PLEKHA6: variants seen among roughly 807,000 people sequenced by gnomAD.
PLEKHA6 encodes the protein pleckstrin homology domain containing A6.
In PLEKHA6, 60 loss-of-function variants were observed where a neutral mutation model predicts 116.7. The observed-to-expected ratio is 0.51, with a 90% CI of 0.42 to 0.64. PLEKHA6 has a LOEUF of 0.64. Ranked by LOEUF, PLEKHA6 falls within the 30% of genes least tolerant of loss-of-function variation. The pLI, the probability that PLEKHA6 is intolerant of heterozygous loss-of-function variation, is 0.00. For synonymous variants in PLEKHA6, 489 were observed against 556.1 expected (o/e 0.88, Z 1.70); for missense variants, 1,338 against 1,422.7 (o/e 0.94, Z 0.96).
At chr1:204,235,184 TA>T (rs1438715805) in intron 17 of PLEKHA6, among the ~76,000 whole-genome samples, 1 of 151,522 alleles carries the variant, frequency 6.6e-6, no homozygotes, top group Non-Finnish European at 1.5e-5. Context: ...TTAATATGAT[TA>T]GACCCAAAAA....
Position 204,261,389 on chromosome 1 carries a change from C to T in PLEKHA6, c.441G>A (p.Glu147=). 1.2e-6 allele frequency: 2 copies of T among 1,614,116 alleles called. No homozygotes were observed. The highest frequency in any genetic ancestry group is 8.5e-7 in the Non-Finnish European group (1 of 1,180,010). Residue 147 remains glutamate, a synonymous_variant, in exon 7 of 23, where the codon GAG becomes GAA. Coordinates refer to ENST00000272203, the MANE Select transcript of PLEKHA6 (RefSeq NM_014935.5). This position sits in a 1 kb window ranked among gnomAD's most constrained non-coding sequence, Gnocchi z 4.0. The stretch of plus-strand genomic sequence containing the variant: ...CCTCCCCCATGGCCTGGATCCAGGC[C>T]TCTTGCTCCTCGGGGCTCTCGGCAC... ...FFSAESPEEQ[E]AWIQAMGEAA...
intron 1 of PLEKHA6, chr1:204,309,495 C>T (rs1311467820): frequency 6.6e-6 from 1 of 152,252 alleles, no homozygotes; most frequent in East Asian, 1.9e-4. Flanking sequence ...TAGCTGCCTA[C>T]AGTATTCGGT....
chr1:204,289,938 A>G (rs1431156407), intron 1 of PLEKHA6, among the ~76,000 whole-genome samples: 1 of 152,252 alleles, frequency 6.6e-6, no homozygotes, highest in East Asian at 1.9e-4. Context: ...GAAATTTTAA[A>G]ACACCATTTA....
intron 17 of PLEKHA6, among the ~76,000 whole-genome samples, chr1:204,233,594 C>T (rs897494629): frequency 6.6e-6 from 1 of 152,026 alleles, no homozygotes; most frequent in African/African-American, 2.4e-5. Flanking sequence ...CATGAGCCAC[C>T]GCACCCAGCC....
At chr1:204,335,015 C>A (rs1399520324) in intron 1 of PLEKHA6, among the ~76,000 whole-genome samples, 1 of 152,044 alleles carries the variant, frequency 6.6e-6, no homozygotes, top group Non-Finnish European at 1.5e-5. Flanking sequence ...AGAATTTATT[C>A]CCCTTGTCTA....
In PLEKHA6 at chr1:204,256,335, A is replaced by G. The variant is rs926046624; in HGVS notation, c.1524+1018T>C. Among the ~76,000 whole-genome samples, 4 of 152,286 alleles carry G rather than the reference A, an allele frequency of 2.6e-5. No homozygotes were observed. In the East Asian group the frequency reaches 7.7e-4, roughly 29 times the overall value. On this transcript the variant is annotated intron_variant, in intron 9 of 22. Coordinates refer to ENST00000272203, the MANE Select transcript of PLEKHA6 (RefSeq NM_014935.5). ...AGACACGAGTAGAAAGAGGCAGAGAAAAAGGAGGAGATGCAATTCGGAAAA... is the reference window on the plus strand; with the variant it reads ...AGACACGAGTAGAAAGAGGCAGAGAGAAAGGAGGAGATGCAATTCGGAAAA...
intron 1 of PLEKHA6, among the ~76,000 whole-genome samples, chr1:204,371,930 G>A (rs1001353095): frequency 1.2e-4 from 19 of 152,120 alleles, no homozygotes; most frequent in African/African-American, 2.9e-4. Flanking sequence ...TGATACCATC[G>A]CAAAGAAACA....
intron 3 of PLEKHA6, among the ~76,000 whole-genome samples, chr1:204,365,368 G>T (rs1238243293): frequency 6.6e-6 from 1 of 152,238 alleles, no homozygotes; most frequent in Non-Finnish European, 1.5e-5. Flanking sequence ...AATAATGGAA[G>T]TGAGAGTCCA....
Position 204,223,524 on chromosome 1 carries a change from G to A in PLEKHA6, c.3093C>T (p.Pro1031=), listed in dbSNP as rs1318844099. ...CGCCCCGTGGGGATTCAGACGACAG[G>A]GGGTTTGCTGGAGGAGCCGGGGAAG... The part of the protein sequence containing the change: ...SPASPAPPAN[P]LSSESPRGAD... The change falls in exon 22 of 23, where the codon CCC becomes CCT. Residue 1031 remains proline, a synonymous_variant. Transcript: ENST00000272203. This position sits in a 1 kb window ranked among gnomAD's most constrained non-coding sequence, Gnocchi z 4.8. The A allele has an allele frequency of 1.9e-6, 3 of 1,551,030 alleles. No individual in the cohort carries two copies. Among genetic ancestry groups the A allele is most frequent in the Non-Finnish European group, 2.6e-6 (3 of 1,146,660 alleles).
At position 204,223,734 on chromosome 1, in the gene PLEKHA6, G is replaced by C. The variant is rs1161328730; in HGVS notation, c.3032-149C>G. 1.6e-6 allele frequency: 1 copy of C among 610,956 alleles called. No homozygotes were observed. Among genetic ancestry groups the C allele is most frequent in the Non-Finnish European group, 3.0e-6 (1 of 338,836 alleles). 37.8% of individuals were successfully genotyped at this position (610,956 alleles called of 1,614,324 possible). ...TGAGCTTGGAGCTTGCTCAAGCTAGGCCAAGCTGTCCTCATTCCCAGGGCG... is the reference window on the plus strand; with the variant it reads ...TGAGCTTGGAGCTTGCTCAAGCTAGCCCAAGCTGTCCTCATTCCCAGGGCG... On this transcript the variant is annotated intron_variant, in intron 21 of 22. Coordinates refer to ENST00000272203, the MANE Select transcript of PLEKHA6 (RefSeq NM_014935.5). This position sits in a 1 kb window ranked among gnomAD's most constrained non-coding sequence, Gnocchi z 4.8.
chr1:204,258,068 G>A (rs577073701), intron 8 of PLEKHA6, among the ~76,000 whole-genome samples, 199 bp from the exon 9 acceptor site: 1 of 152,252 alleles, frequency 6.6e-6, no homozygotes, highest in Admixed American at 6.5e-5. Context: ...GCTGGACACT[G>A]CACCATTCAG....
intron 1 of PLEKHA6, among the ~76,000 whole-genome samples, chr1:204,348,758 G>A (rs1673168207): frequency 1.6e-5 from 2 of 128,254 alleles, no homozygotes; most frequent in South Asian, 5.2e-4. Context: ...CTTAGCCTGT[G>A]CTCAAGGCCA....
intron 1 of PLEKHA6, among the ~76,000 whole-genome samples, chr1:204,330,910 C>G (rs12090553): frequency 7.2e-5 from 11 of 152,276 alleles, no homozygotes; most frequent in Non-Finnish European, 1.5e-4. Context: ...GAACAAGCAT[C>G]TCGGCCAGGC....
chr1:204,328,071 T>C (rs1450580826), intron 1 of PLEKHA6, among the ~76,000 whole-genome samples: 1 of 149,998 alleles, frequency 6.7e-6, no homozygotes, highest in Admixed American at 6.6e-5. Context: ...TATTTATTTA[T>C]TTATTTATTT....
intron 1 of PLEKHA6, among the ~76,000 whole-genome samples, chr1:204,312,841 A>ATTTTCTTC (rs1671704359): frequency 7.1e-6 from 1 of 140,500 alleles, no homozygotes; most frequent in African/African-American, 2.7e-5. Context: ...CCCTTAGCCC[A>ATTTTCTTC]TTTTCTTTTC....
intron 1 of PLEKHA6, among the ~76,000 whole-genome samples, chr1:204,348,709 G>C (rs1020613855): frequency 1.8e-5 from 2 of 112,846 alleles, no homozygotes; most frequent in Non-Finnish European, 1.8e-5. Context: ...GCCCCCAGGT[G>C]CCAAACCCCC....
intron 1 of PLEKHA6, among the ~76,000 whole-genome samples, chr1:204,302,824 C>T (rs1019998981): frequency 6.6e-6 from 1 of 151,660 alleles, no homozygotes; most frequent in Non-Finnish European, 1.5e-5. Context: ...TGTGGTGAGC[C>T]GATATCAAGC....
intron 6 of PLEKHA6, 57 bp downstream of exon 6, chr1:204,264,885 C>T: frequency 8.3e-7 from 1 of 1,205,002 alleles, no homozygotes; most frequent in East Asian, 2.3e-5. Flanking sequence ...TTCCCATAGG[C>T]TCTAGAAGAG....
intron 1 of PLEKHA6, among the ~76,000 whole-genome samples, chr1:204,306,431 A>G (rs1671313158): frequency 6.6e-6 from 1 of 152,006 alleles, no homozygotes; most frequent in Admixed American, 6.6e-5. Context: ...GTCTCGCCCA[A>G]ATTTCTGCTT....
Sources: allele counts gnomAD v4.1 joint callset (sites outside exome capture counted in the v4.1 genomes callset), GRCh38; gene constraint gnomAD v4.1.1; non-coding constraint Gnocchi (gnomAD v3.1); transcripts MANE v1.5; gene names NCBI Gene and HGNC (gene_info 2026-07-23, HGNC 2026-07-21).